CYB5RL: variants seen among roughly 807,000 people sequenced by gnomAD.
The protein encoded by CYB5RL is NADH-cytochrome b5 reductase-like.
A neutral mutation model predicts 37.5 loss-of-function variants in CYB5RL; 38 were observed. That is an observed-to-expected ratio of 1.01 (90% CI 0.78 to 1.33). The LOEUF is 1.33. CYB5RL is among the 40% of genes most tolerant of loss of function. The probability of loss-of-function intolerance (pLI) is 0.00; values close to 1 mark genes in which losing one functional copy is unlikely to be tolerated. For synonymous variants in CYB5RL, 141 were observed against 151.9 expected, an observed-to-expected ratio of 0.93 and a Z score of 0.53; for missense variants, 388 against 394.4, an observed-to-expected ratio of 0.98 and a Z score of 0.14.
chr1:54,180,235 T>TAAA (rs11410550), intron 6 of CYB5RL: 2,318 of 318,516 alleles, frequency 7.3e-3, no homozygotes, highest in South Asian at 9.9e-3. Context: ...AGATTCCATC[T>TAAA]AAAAAAAAAA....
intron 3 of CYB5RL, among the ~76,000 whole-genome samples, chr1:54,192,056 A>G (rs1349385298): frequency 3.9e-5 from 6 of 152,248 alleles, no homozygotes; most frequent in Non-Finnish European, 7.3e-5. Flanking sequence ...TTTATAAAAT[A>G]TAAGTTACCA....
Position 54,179,194 on chromosome 1 carries a change from C to T in CYB5RL, c.699G>A (p.Glu233=). 6.2e-7 allele frequency: 1 copy of T among 1,613,744 alleles called. No homozygotes were observed. The change falls in exon 7 of 8, where the codon GAG becomes GAA. Residue 233 remains glutamate, a synonymous_variant. Transcript: ENST00000534324. ...TACGGACATTCCAGAAACGGGCCTG[C>T]TCTTGGAGGAAGGTTTTCAGGTAGA... is the stretch of plus-strand genomic sequence containing the variant. ...ESIYLKTFLQ[E]QARFWNVRTF... is the part of the protein sequence containing the mutation.
rs948489260 is a variant in CYB5RL, at chr1:54,173,036, T to C, written c.*1583A>G. 1 of 152,180 alleles carries C rather than the reference T, an allele frequency of 6.6e-6. No individual in the cohort carries two copies. The highest frequency in any genetic ancestry group is 1.9e-4 in the East Asian group (1 of 5,194). 9.4% of individuals were successfully genotyped at this position (152,180 alleles called of 1,614,324 possible). A position where few individuals can be genotyped will look rare whatever the true frequency, so the allele number is the denominator to read the frequency against. On this transcript the variant is annotated 3_prime_UTR_variant, in exon 8 of 8. Coordinates refer to ENST00000534324, the MANE Select transcript of CYB5RL (RefSeq NM_001031672.4). ...ATTAAACAAAATGAAAGGAGTTTCTTTGCCACTGGTCTTTTCAGGGCCTTT... is the reference window on the plus strand; with the variant it reads ...ATTAAACAAAATGAAAGGAGTTTCTCTGCCACTGGTCTTTTCAGGGCCTTT...
intron 5 of CYB5RL, among the ~76,000 whole-genome samples, chr1:54,186,844 A>G (rs1643905177): frequency 6.6e-6 from 1 of 151,996 alleles, no homozygotes; most frequent in Non-Finnish European, 1.5e-5. Flanking sequence ...ACTTCTTACT[A>G]GCTGTGGGGC....
intron 3 of CYB5RL, among the ~76,000 whole-genome samples, chr1:54,192,442 C>T (rs1415332797): frequency 6.6e-6 from 1 of 152,026 alleles, no homozygotes. Context: ...ACTTTGGCCT[C>T]TCAAAGTGCT....
At chr1:54,188,349 T>C (rs959606565) in intron 4 of CYB5RL, among the ~76,000 whole-genome samples, 5 of 151,902 alleles carry the variant, frequency 3.3e-5, no homozygotes, top group African/African-American at 9.7e-5. Flanking sequence ...AGGATGTGAG[T>C]TGTTTTGGAG....
intron 6 of CYB5RL, chr1:54,179,879 T>G: frequency 2.2e-6 from 1 of 448,682 alleles, no homozygotes; most frequent in Non-Finnish European, 4.5e-6. Flanking sequence ...CTGAGCTTGC[T>G]CATCTCTAGG....
chr1:54,192,902 G>A lies in CYB5RL; in HGVS notation c.199-2006C>T, dbSNP rs551552166. On this transcript the variant is annotated intron_variant, in intron 3 of 7. Transcript: ENST00000534324. ...CCCAAGTAGCTGGGACTACAGGTGC[G>A]TGCCACCACGTCTGGCTAATTTTTA... Among the ~76,000 whole-genome samples the A allele has an allele frequency of 5.9e-5, 9 of 152,100 alleles. No individual in the cohort carries two copies. In the East Asian group the frequency reaches 1.4e-3, roughly 23 times the overall value.
At chr1:54,175,929 A>G (rs1167847051) in intron 7 of CYB5RL, among the ~76,000 whole-genome samples, 1 of 152,192 alleles carries the variant, frequency 6.6e-6, no homozygotes, top group East Asian at 1.9e-4. Flanking sequence ...AGGGACAACT[A>G]TATATAGTCT....
intron 7 of CYB5RL, among the ~76,000 whole-genome samples, chr1:54,177,822 G>A (rs143843084): frequency 3.7e-4 from 57 of 152,296 alleles, no homozygotes; most frequent in African/African-American, 1.2e-3. Context: ...GTGAGCAGCC[G>A]GAGGGCTGGG....
At position 54,174,711 on chromosome 1, in the gene CYB5RL, C is replaced by T. The variant is rs780876546; in HGVS notation, c.856G>A (p.Ala286Thr). 1.5e-5 allele frequency: 25 copies of T among 1,613,818 alleles called. No individual in the cohort carries two copies. Among genetic ancestry groups the T allele is most frequent in the Middle Eastern group, 1.6e-4 (1 of 6,084 alleles). ...LVSCCRRKPF[A>T]LVCGSAEFTK... ...AACTCAGCCGAGCCACAGACCAGTG[C>T]GAATGGCTTTCTCCGACAGCAGCTG... Residue 286 changes from alanine to threonine, a missense_variant, in exon 8 of 8, where the codon GCA becomes ACA. By Grantham distance (58) the Ala-to-Thr change is moderately conservative. Coordinates refer to ENST00000534324, the MANE Select transcript of CYB5RL (RefSeq NM_001031672.4).
At chr1:54,190,149 G>A (rs1643937762) in intron 4 of CYB5RL, among the ~76,000 whole-genome samples, 1 of 152,220 alleles carries the variant, frequency 6.6e-6, no homozygotes, top group African/African-American at 2.4e-5. Context: ...AGGCAGGGGT[G>A]GGGACTGGGG....
Position 54,171,381 on chromosome 1 carries a change from A to C in CYB5RL, c.*3238T>G, listed in dbSNP as rs556549574. The C allele has an allele frequency of 3.0e-4, 135 of 456,394 alleles. No individual in the cohort carries two copies. The highest frequency in any genetic ancestry group is 5.5e-4 in the Non-Finnish European group (124 of 226,812). 28.3% of individuals were successfully genotyped at this position (456,394 alleles called of 1,614,324 possible). ...AGGGAGACAGGGAAGGATTTCAAGC[A>C]GGGGAGTGACAGGCTTGGATTTGTG... is the stretch of plus-strand genomic sequence containing the variant. On this transcript the variant is annotated 3_prime_UTR_variant, in exon 8 of 8. Transcript: ENST00000534324.
At chr1:54,197,796 T>C (rs1644022620) in intron 1 of CYB5RL, among the ~76,000 whole-genome samples, 1 of 151,658 alleles carries the variant, frequency 6.6e-6, no homozygotes, top group Non-Finnish European at 1.5e-5. Flanking sequence ...CCAAGGTGGG[T>C]GGATCACGAG....
chr1:54,180,268 C>T (rs1660126537), intron 6 of CYB5RL: 1 of 394,956 alleles, frequency 2.5e-6, no homozygotes, highest in Non-Finnish European at 4.9e-6. Flanking sequence ...GTTCCCACCC[C>T]AGGAGGTCCC....
At chr1:54,187,339 C>A (rs1643909639) in intron 5 of CYB5RL, among the ~76,000 whole-genome samples, 1 of 152,176 alleles carries the variant, frequency 6.6e-6, no homozygotes, top group African/African-American at 2.4e-5. Flanking sequence ...ACGGCCACTG[C>A]CAATTTGTAC....
intron 7 of CYB5RL, among the ~76,000 whole-genome samples, chr1:54,176,993 A>C (rs1292085975): frequency 3.3e-5 from 5 of 152,212 alleles, no homozygotes; most frequent in Non-Finnish European, 7.4e-5. Context: ...AAGGCCCAGA[A>C]GCCAGAAAAG....
chr1:54,171,008 G>A lies in CYB5RL; in HGVS notation c.*3611C>T. ...AAGTGCTGAGCATCCTCCCCTGTTAGGGGTACAATGGGCCGGCCCTCATGC... is the reference window on the plus strand; with the variant it reads ...AAGTGCTGAGCATCCTCCCCTGTTAAGGGTACAATGGGCCGGCCCTCATGC... On this transcript the variant is annotated 3_prime_UTR_variant, in exon 8 of 8. Coordinates refer to ENST00000534324, the MANE Select transcript of CYB5RL (RefSeq NM_001031672.4). 1 of 394,682 alleles carries A rather than the reference G, an allele frequency of 2.5e-6. No homozygotes were observed. Among genetic ancestry groups the A allele is most frequent in the South Asian group, 1.8e-5 (1 of 54,618 alleles). 24.4% of individuals were successfully genotyped at this position (394,682 alleles called of 1,614,324 possible).
At chr1:54,190,719 G>A in intron 4 of CYB5RL, 29 bp downstream of exon 4, 6 of 1,551,538 alleles carry the variant, frequency 3.9e-6, no homozygotes, top group Non-Finnish European at 5.2e-6. Flanking sequence ...GGGCTGTGAA[G>A]CTTTGGTCCT....
Sources: gnomAD v4.1 joint callset for allele counts (sites outside exome capture counted in the v4.1 genomes callset) on GRCh38, gnomAD v4.1.1 for gene constraint, MANE v1.5 for transcripts, NCBI Gene and HGNC (gene_info 2026-07-23, HGNC 2026-07-21) for gene names.